Variants in SAMD5 observed in about 807,000 individuals in gnomAD.
The protein encoded by SAMD5 is sterile alpha motif domain containing 5.
Under a neutral mutation model 11.3 loss-of-function variants are expected in SAMD5, and 13 were observed. The observed-to-expected ratio is 1.15, with a 90% CI of 0.75 to 1.83. SAMD5 has a LOEUF of 1.83. Ranked by LOEUF, SAMD5 falls within the 40% of genes most tolerant of loss-of-function variation. SAMD5 has a pLI of 0.00. For synonymous variants in SAMD5, 129 were observed against 111.3 expected (o/e 1.16, Z -1.00); for missense variants, 255 against 239.1 (o/e 1.07, Z -0.44).
chr6:147,677,261 C>T (rs902544055), intron 1 of SAMD5, among the ~76,000 whole-genome samples: 19 of 152,074 alleles, frequency 1.2e-4, no homozygotes, highest in African/African-American at 4.6e-4. Context: ...GAATTATCAA[C>T]TTGAGTAGTA....
intron 1 of SAMD5, among the ~76,000 whole-genome samples, chr6:147,583,769 T>C (rs907913993): frequency 6.6e-6 from 1 of 151,812 alleles, no homozygotes; most frequent in Non-Finnish European, 1.5e-5. Context: ...TCTAGGTCTG[T>C]TGGTCTAGAA....
intron 1 of SAMD5, among the ~76,000 whole-genome samples, chr6:147,591,731 T>C (rs1040397072): frequency 6.6e-6 from 1 of 152,128 alleles, no homozygotes; most frequent in Non-Finnish European, 1.5e-5. Context: ...TTGAAAAAGC[T>C]AAGGATATAA....
chr6:147,614,386 T>G (rs1317845340), intron 1 of SAMD5, among the ~76,000 whole-genome samples: 1 of 151,544 alleles, frequency 6.6e-6, no homozygotes, highest in Non-Finnish European at 1.5e-5. Flanking sequence ...GGAGAATCAG[T>G]TGAACCTGGG....
the SAMD5 span, among the ~76,000 whole-genome samples, chr6:147,926,086 G>A: frequency 1.3e-5 from 2 of 152,096 alleles, no homozygotes; most frequent in African/African-American, 2.4e-5. Flanking sequence ...CCAATCTGTC[G>A]TTGATGGGCA....
At chr6:147,795,763 T>A in the SAMD5 span, among the ~76,000 whole-genome samples, 342 of 149,466 alleles carry the variant, frequency 2.3e-3, 2 homozygotes, top group African/African-American at 7.4e-3. Context: ...CCATTCTAAC[T>A]GGTGTGAGAT....
the SAMD5 span, among the ~76,000 whole-genome samples, chr6:147,840,912 A>G: frequency 0.028 from 4,325 of 152,348 alleles, 66 homozygotes; most frequent in Middle Eastern, 0.048. Flanking sequence ...CAGGGATTCG[A>G]GCATGGAGCT....
At chr6:147,820,137 G>C in the SAMD5 span, among the ~76,000 whole-genome samples, 1 of 152,100 alleles carries the variant, frequency 6.6e-6, no homozygotes, top group African/African-American at 2.4e-5. Flanking sequence ...GAGAAACTAG[G>C]TACTCCTGGA....
the SAMD5 span, among the ~76,000 whole-genome samples, chr6:147,867,998 T>C: frequency 6.6e-6 from 1 of 152,234 alleles, no homozygotes; most frequent in African/African-American, 2.4e-5. Context: ...AAAATTTACT[T>C]ATCCTTATTG....
At chr6:147,663,211 T>C (rs1478638080) in intron 1 of SAMD5, among the ~76,000 whole-genome samples, 1 of 152,194 alleles carries the variant, frequency 6.6e-6, no homozygotes, top group East Asian at 1.9e-4. Context: ...TCTGCCAGTG[T>C]CAAACACTGA....
At chr6:147,953,194 AT>A in the SAMD5 span, 1 of 152,320 alleles carries the variant, frequency 6.6e-6, no homozygotes, top group African/African-American at 2.4e-5. Context: ...ATTTTGAAAA[AT>A]AATCAGATAT....
chr6:147,773,725 C>T, the SAMD5 span, among the ~76,000 whole-genome samples: 8 of 152,076 alleles, frequency 5.3e-5, no homozygotes, highest in African/African-American at 1.7e-4. Context: ...TGCCCCACCG[C>T]CCAATAGCAT....
the SAMD5 span, among the ~76,000 whole-genome samples, chr6:147,934,783 A>C: frequency 6.6e-6 from 1 of 152,138 alleles, no homozygotes; most frequent in Non-Finnish European, 1.5e-5. Context: ...GAAAACGTGC[A>C]TGAAGGGGGA....
the SAMD5 span, among the ~76,000 whole-genome samples, chr6:147,879,109 A>G: frequency 6.6e-6 from 1 of 152,240 alleles, no homozygotes; most frequent in Admixed American, 6.5e-5. Flanking sequence ...TAAAGATAAG[A>G]TATTGCAGAT....
At chr6:147,609,353 G>T (rs1304453393) in intron 1 of SAMD5, among the ~76,000 whole-genome samples, 1 of 152,086 alleles carries the variant, frequency 6.6e-6, no homozygotes, top group African/African-American at 2.4e-5. Context: ...TGCCTCATAG[G>T]CCTTAGAAGG....
At chr6:147,788,376 A>G in the SAMD5 span, among the ~76,000 whole-genome samples, 1 of 152,248 alleles carries the variant, frequency 6.6e-6, no homozygotes, top group African/African-American at 2.4e-5. Flanking sequence ...AAAACATCAT[A>G]TACATGAACT....
At chr6:147,605,395 A>G (rs527941161) in intron 1 of SAMD5, among the ~76,000 whole-genome samples, 3 of 152,346 alleles carry the variant, frequency 2.0e-5, no homozygotes, top group South Asian at 2.1e-4. Context: ...GATTATAAGT[A>G]TGAACCTCCA....
At chr6:147,802,199 ATGTACT>A in the SAMD5 span, among the ~76,000 whole-genome samples, 4 of 152,230 alleles carry the variant, frequency 2.6e-5, no homozygotes, top group Non-Finnish European at 5.9e-5. Context: ...AACTGCTATA[ATGTACT>A]TGTACAAAGA....
chr6:147,571,766 T>G (rs1378768574), downstream of SAMD5, among the ~76,000 whole-genome samples: 7 of 152,332 alleles, frequency 4.6e-5, no homozygotes, highest in African/African-American at 1.4e-4. Flanking sequence ...AATAGCCATT[T>G]TGAGTGAAGA....
the SAMD5 span, among the ~76,000 whole-genome samples, chr6:147,818,669 C>T: frequency 1.6e-4 from 24 of 152,212 alleles, no homozygotes; most frequent in South Asian, 4.1e-4. Context: ...GTGCTAAACA[C>T]GTGTGTATCC....
Sources: gnomAD v4.1 joint callset for allele counts (sites outside exome capture counted in the v4.1 genomes callset) on GRCh38, gnomAD v4.1.1 for gene constraint, MANE v1.5 for transcripts, NCBI Gene and HGNC (gene_info 2026-07-23, HGNC 2026-07-21) for gene names.